Variants in DNAH1 observed in about 807,000 individuals in gnomAD.
DNAH1 encodes dynein axonemal heavy chain 1, also known as axonemal beta dynein heavy chain 1.
A neutral mutation model predicts 484.3 loss-of-function variants in DNAH1; 327 were observed. That is an observed-to-expected ratio of 0.68 (90% CI 0.62 to 0.74). DNAH1 has a LOEUF of 0.74. Among genes scored for constraint, DNAH1 ranks in the 30% least tolerant of loss-of-function variants. The pLI is 0.00. For synonymous variants in DNAH1, 2,192 were observed against 2,191.9 expected (o/e 1.00, Z 0.00); for missense variants, 5,052 against 5,546.8 (o/e 0.91, Z 2.83).
intron 43 of DNAH1, 128 bp downstream of exon 43, chr3:52,372,515 C>T: frequency 7.7e-7 from 1 of 1,297,472 alleles, no homozygotes. Context: ...AGCTGACAGC[C>T]CCCCAATGGG....
At position 52,383,605 on chromosome 3, in the gene DNAH1, C is replaced by T. The variant is rs747049777; in HGVS notation, c.8150+11C>T. On this transcript the variant is annotated intron_variant, in intron 51 of 77. Transcript: ENST00000420323. The stretch of plus-strand genomic sequence containing the variant: ...GGTGCTGTGCATGAGGTACAGGCAG[C>T]TGTCGCCAGGCTGCGCTGGGGCAGC... The T allele has an allele frequency of 4.8e-5, 75 of 1,558,320 alleles. No homozygotes were observed. The highest frequency in any genetic ancestry group is 3.3e-4 in the South Asian group (28 of 85,738).
At chr3:52,336,436 C>T (rs1701746209) in intron 8 of DNAH1, among the ~76,000 whole-genome samples, 1 of 152,104 alleles carries the variant, frequency 6.6e-6, no homozygotes, top group Non-Finnish European at 1.5e-5. Context: ...CGCCTATTGT[C>T]CCAGCTCCTT....
chr3:52,317,852 G>T (rs928238624), intron 1 of DNAH1: 2 of 152,238 alleles, frequency 1.3e-5, no homozygotes, highest in East Asian at 1.9e-4. Context: ...ACGGCCTAGC[G>T]TCCCTCCCTA....
At position 52,326,852 on chromosome 3, in the gene DNAH1, G is replaced by T. The variant is rs778186059; in HGVS notation, c.699G>T (p.Gln233His). ...LDHQHPQTIEQGHDPIFPIYL... is the reference protein window; with the variant it reads ...LDHQHPQTIEHGHDPIFPIYL... Reference sequence around the variant, plus strand: ...ACCAGCACCCCCAAACCATCGAACAGGGCCATGACCCAATCTTCCCCATCT... The same window carrying T: ...ACCAGCACCCCCAAACCATCGAACATGGCCATGACCCAATCTTCCCCATCT... Residue 233 changes from glutamine (Q) to histidine (H), a missense_variant, in exon 5 of 78, where the codon CAG becomes CAT. By Grantham distance (24) the Gln-to-His change is conservative. Transcript: ENST00000420323. 2.4e-5 allele frequency: 39 copies of T among 1,613,306 alleles called. No homozygotes were observed. The highest frequency in any genetic ancestry group is 3.2e-5 in the Non-Finnish European group (38 of 1,179,682).
At position 52,382,438 on chromosome 3, in the gene DNAH1, C is replaced by T. The variant is rs1347489833; in HGVS notation, c.7924C>T (p.Leu2642Phe). ...CCTACAGAACCTACCCATCACCTTCCTCTTCTCAGACACCCAGGTGCCACT... is the reference window on the plus strand; with the variant it reads ...CCTACAGAACCTACCCATCACCTTCTTCTTCTCAGACACCCAGGTGCCACT... ...AGLQNLPITF[L>F]FSDTQIKNES... The change falls in exon 50 of 78, where the codon CTC becomes TTC. Residue 2642 changes from leucine to phenylalanine, a missense_variant. Leu to Phe is a conservative substitution (Grantham distance 22, BLOSUM62 0). This residue lies in a region of DNAH1 where 2,929 missense variants were observed against 3,409.4 expected (regional missense o/e 0.86). Transcript: ENST00000420323. The T allele has an allele frequency of 1.2e-6, 2 of 1,613,820 alleles. No individual in the cohort carries two copies. Among genetic ancestry groups the T allele is most frequent in the Admixed American group, 1.7e-5 (1 of 60,008 alleles).
At chr3:52,324,709 C>G (rs1311711171) in intron 3 of DNAH1, among the ~76,000 whole-genome samples, 1 of 152,192 alleles carries the variant, frequency 6.6e-6, no homozygotes, top group Non-Finnish European at 1.5e-5. Flanking sequence ...TTCCAACAGT[C>G]TCACAAGTAT....
intron 76 of DNAH1, 98 bp downstream of exon 76, chr3:52,399,299 C>T: frequency 7.7e-7 from 1 of 1,293,280 alleles, no homozygotes; most frequent in Non-Finnish European, 1.1e-6. Context: ...TGGGGGACCC[C>T]TAAGCCAGGG....
chr3:52,362,992 C>T lies in DNAH1; in HGVS notation c.5095-3C>T. The T allele has an allele frequency of 1.9e-6, 3 of 1,613,670 alleles. No homozygotes were observed. Among genetic ancestry groups the T allele is most frequent in the Non-Finnish European group, 2.5e-6 (3 of 1,179,780 alleles). On this transcript the variant is annotated splice_region_variant and splice_polypyrimidine_tract_variant and intron_variant, in intron 31 of 77. Coordinates refer to ENST00000420323, the MANE Select transcript of DNAH1 (RefSeq NM_015512.5). This position sits in a 1 kb window ranked among gnomAD's most constrained non-coding sequence, Gnocchi z 5.1. ...CTGTTCACATGTGCACTGTGTGTCC[C>T]AGGCGCTCTTCCGACCCGTGGCCAT... is the stretch of plus-strand genomic sequence containing the variant.
At chr3:52,312,471 C>CTTT (rs1206348745), upstream of DNAH1, among the ~76,000 whole-genome samples, 1 of 135,168 alleles carries the variant, frequency 7.4e-6, no homozygotes, top group Non-Finnish European at 1.6e-5. Context: ...TATTGCCACG[C>CTTT]TTTTTTTTTT....
chr3:52,380,568 G>A (rs1391232987), intron 48 of DNAH1, among the ~76,000 whole-genome samples: 1 of 152,220 alleles, frequency 6.6e-6, no homozygotes, highest in African/African-American at 2.4e-5. Context: ...GGGTCACAGG[G>A]TCAGCACACC....
chr3:52,393,626 A>G (rs1193671587), intron 66 of DNAH1, 141 bp downstream of exon 66: 18 of 1,311,442 alleles, frequency 1.4e-5, no homozygotes. Flanking sequence ...CCTTGATTAA[A>G]AGCAGCCAGG....
rs1408993824 is a variant in DNAH1, at chr3:52,354,960, C to T, written c.3598C>T (p.His1200Tyr). Residue 1200 changes from histidine (H) to tyrosine (Y), a missense_variant, in exon 21 of 78, where the codon CAC becomes TAC. This residue lies in a region of DNAH1 where 2,929 missense variants were observed against 3,409.4 expected (regional missense o/e 0.86). Transcript: ENST00000420323. ...CGAGGCCTCACAGCTGCTGGACGAC[C>T]ACATCGTCATGACCCAGAATATGTC... ...PDEASQLLDD[H>Y]IVMTQNMSFS... The T allele has an allele frequency of 6.2e-7, 1 of 1,614,014 alleles. No individual in the cohort carries two copies. The highest frequency in any genetic ancestry group is 2.2e-5 in the East Asian group (1 of 44,886).
At position 52,381,556 on chromosome 3, in the gene DNAH1, G is replaced by A. The variant is rs1703843511; in HGVS notation, c.7609-84G>A. 7.4e-7 allele frequency: 1 copy of A among 1,344,246 alleles called. No individual in the cohort carries two copies. The highest frequency in any genetic ancestry group is 1.0e-6 in the Non-Finnish European group (1 of 985,220). 83.3% of individuals were successfully genotyped at this position (1,344,246 alleles called of 1,614,324 possible). ...ACCTGTGCTTCTCAGTCAGGACAGAGAAGAAAGCGGGTGGGTGGGGGGAAT... is the reference window on the plus strand; with the variant it reads ...ACCTGTGCTTCTCAGTCAGGACAGAAAAGAAAGCGGGTGGGTGGGGGGAAT... On this transcript the variant is annotated intron_variant, in intron 48 of 77. Coordinates refer to ENST00000420323, the MANE Select transcript of DNAH1 (RefSeq NM_015512.5). The surrounding 1 kb of genome is among the most constrained non-coding windows in gnomAD (Gnocchi z 4.1).
chr3:52,356,649 C>G lies in DNAH1; in HGVS notation c.3729C>G (p.Ser1243=). ...VLEEWLNCQR[S]WLYLEPIFSS... ...AGGAGTGGCTGAACTGTCAGCGGTCCTGGCTCTACCTGGAGCCCATCTTTA... is the reference window on the plus strand; with the variant it reads ...AGGAGTGGCTGAACTGTCAGCGGTCGTGGCTCTACCTGGAGCCCATCTTTA... Residue 1243 remains serine (S), a synonymous_variant, in exon 22 of 78, where the codon TCC becomes TCG. Transcript: ENST00000420323. 1 of 1,613,764 alleles carries G rather than the reference C, an allele frequency of 6.2e-7. No individual in the cohort carries two copies.
rs963990528 is a variant in DNAH1, at chr3:52,370,745, C to T, written c.6445C>T (p.Leu2149=). The part of the protein sequence containing the change: ...QLTLLFPEEG[L]VFDYRLEDAG... ...GACTCTGCTTTTCCCAGAAGAGGGG[C>T]TGGTGTTCGATTACAGGCTGGAGGA... is the stretch of plus-strand genomic sequence containing the variant. Residue 2149 remains leucine, a synonymous_variant, in exon 41 of 78, where the codon CTG becomes TTG. Coordinates refer to ENST00000420323, the MANE Select transcript of DNAH1 (RefSeq NM_015512.5). 2.4e-5 allele frequency: 39 copies of T among 1,606,282 alleles called. No homozygotes were observed. The highest frequency in any genetic ancestry group is 3.1e-5 in the Non-Finnish European group (36 of 1,176,774).
intron 1 of DNAH1, among the ~76,000 whole-genome samples, chr3:52,318,191 A>G (rs754394767): frequency 7.2e-5 from 11 of 152,158 alleles, no homozygotes; most frequent in Admixed American, 5.2e-4. Context: ...AGCTGGGATT[A>G]TACGCACCCG....
chr3:52,359,276 C>T lies in DNAH1; in HGVS notation c.4297C>T (p.Pro1433Ser). ...MPRTQWVLNWPGQVTIAGCQT... is the reference protein window; with the variant it reads ...MPRTQWVLNWSGQVTIAGCQT... ...CAGGACCCAGTGGGTTCTGAACTGG[C>T]CTGGCCAGGTGACCATCGCTGGGTG... The change falls in exon 26 of 78, where the codon CCT (proline) becomes TCT (serine). Residue 1433 changes from proline (P) to serine (S), a missense_variant. By Grantham distance (74) the Pro-to-Ser change is moderately conservative. Transcript: ENST00000420323. 6.4e-7 allele frequency: 1 copy of T among 1,568,454 alleles called. No individual in the cohort carries two copies. Among genetic ancestry groups the T allele is most frequent in the Non-Finnish European group, 8.7e-7 (1 of 1,155,976 alleles).
At chr3:52,376,167 A>G (rs778992419) in intron 46 of DNAH1, among the ~76,000 whole-genome samples, 174 bp downstream of exon 46, 2 of 152,166 alleles carry the variant, frequency 1.3e-5, no homozygotes, top group South Asian at 2.1e-4. Context: ...TGGCTGCCCC[A>G]TAGGCTCATT....
At chr3:52,351,826 C>G in intron 16 of DNAH1, 136 bp from the exon 17 acceptor site, 2 of 1,097,536 alleles carry the variant, frequency 1.8e-6, no homozygotes, top group South Asian at 3.1e-5. Flanking sequence ...CAGGTAGCCT[C>G]CACAGCTGCC....
Sources: allele counts gnomAD v4.1 joint callset (sites outside exome capture counted in the v4.1 genomes callset), GRCh38; gene constraint gnomAD v4.1.1; regional missense constraint gnomAD v4.1.1; non-coding constraint Gnocchi (gnomAD v3.1); transcripts MANE v1.5; gene names NCBI Gene and HGNC (gene_info 2026-07-23, HGNC 2026-07-21).